Variants in LRRN3 observed in about 807,000 individuals in gnomAD.
The protein encoded by LRRN3 is leucine rich repeat neuronal 3.
A neutral mutation model predicts 40.1 loss-of-function variants in LRRN3; 15 were observed. That is an observed-to-expected ratio of 0.37 (90% CI 0.25 to 0.58). The LOEUF is 0.58. Among genes scored for constraint, LRRN3 ranks in the 20% least tolerant of loss-of-function variants. The pLI is 0.72. For synonymous variants in LRRN3, 308 were observed against 297.2 expected (o/e 1.04, Z -0.37); for missense variants, 746 against 837.7 (o/e 0.89, Z 1.35).
chr7:111,112,476 C>G (rs1007978143), intron 2 of LRRN3, among the ~76,000 whole-genome samples: 5 of 151,836 alleles, frequency 3.3e-5, no homozygotes, highest in South Asian at 2.1e-4. Context: ...TTTCCACTCA[C>G]AAAAAGATGC....
chr7:111,094,212 G>T (rs532291338), intron 1 of LRRN3, among the ~76,000 whole-genome samples: 1 of 152,066 alleles, frequency 6.6e-6, no homozygotes, highest in South Asian at 2.1e-4. Flanking sequence ...AATCTAAGTT[G>T]ATCAGAAAGC....
intron 1 of LRRN3, among the ~76,000 whole-genome samples, chr7:111,091,873 A>G (rs1796905824): frequency 6.6e-6 from 1 of 151,992 alleles, no homozygotes; most frequent in Admixed American, 6.6e-5. Flanking sequence ...GAGAGAAGAC[A>G]GAGAGGAGAC....
At chr7:111,121,457 C>A (rs1399660209) in intron 2 of LRRN3, among the ~76,000 whole-genome samples, 1 of 152,138 alleles carries the variant, frequency 6.6e-6, no homozygotes, top group Non-Finnish European at 1.5e-5. Flanking sequence ...GACATTTATG[C>A]AGCCAAAAGA....
At chr7:111,107,482 T>C (rs1563249829) in intron 2 of LRRN3, among the ~76,000 whole-genome samples, 1 of 152,134 alleles carries the variant, frequency 6.6e-6, no homozygotes, top group Admixed American at 6.6e-5. Flanking sequence ...ATTAAAGCCA[T>C]TTCTGTTCAT....
Position 111,111,618 on chromosome 7 carries a change from T to G in LRRN3, c.-358-10797T>G, listed in dbSNP as rs76673646. Among the ~76,000 whole-genome samples the G allele has an allele frequency of 3.4e-3, 510 of 152,082 alleles. 4 individuals are homozygous for G. The Middle Eastern group carries it at 0.044, about 13-fold the overall frequency. ...AAACACATTAAAGTAGAATTCACCATAAAGCTCTTACGAACAGAAATAATG... is the reference window on the plus strand; with the variant it reads ...AAACACATTAAAGTAGAATTCACCAGAAAGCTCTTACGAACAGAAATAATG... On this transcript the variant is annotated intron_variant, in intron 2 of 2. Coordinates refer to ENST00000308478, the MANE Select transcript of LRRN3 (RefSeq NM_001099658.2).
At chr7:111,116,486 A>C (rs1400922409) in intron 2 of LRRN3, among the ~76,000 whole-genome samples, 1 of 152,154 alleles carries the variant, frequency 6.6e-6, no homozygotes, top group Non-Finnish European at 1.5e-5. Flanking sequence ...TTACTATATA[A>C]ATTTTGAACA....
intron 2 of LRRN3, among the ~76,000 whole-genome samples, chr7:111,111,121 T>C (rs1261214468): frequency 6.6e-6 from 1 of 152,090 alleles, no homozygotes; most frequent in East Asian, 1.9e-4. Context: ...CTAATCCACA[T>C]ATGAGATGAA....
At chr7:111,112,131 A>G (rs1799309831) in intron 2 of LRRN3, among the ~76,000 whole-genome samples, 1 of 151,482 alleles carries the variant, frequency 6.6e-6, no homozygotes, top group South Asian at 2.1e-4. Context: ...TATTTTTAGT[A>G]GAGACGGAGT....
At chr7:111,117,387 C>T (rs1800018397) in intron 2 of LRRN3, among the ~76,000 whole-genome samples, 1 of 151,982 alleles carries the variant, frequency 6.6e-6, no homozygotes. Context: ...ATCCTGTCCC[C>T]AGTTACAAAA....
chr7:111,105,980 A>T (rs141460862), intron 2 of LRRN3, among the ~76,000 whole-genome samples: 279 of 152,046 alleles, frequency 1.8e-3, no homozygotes, highest in African/African-American at 5.5e-3. Flanking sequence ...GGGCAAGCTT[A>T]TTTTTCTGAA....
chr7:111,092,279 G>A (rs1395988090), intron 1 of LRRN3, among the ~76,000 whole-genome samples: 2 of 152,198 alleles, frequency 1.3e-5, no homozygotes, highest in Admixed American at 1.3e-4. Flanking sequence ...CTAATCTTTG[G>A]TAATTAACAG....
At position 111,124,376 on chromosome 7, in the gene LRRN3, A is replaced by C. The variant is rs1029179258; in HGVS notation, c.1604A>C (p.Asn535Thr). 5 of 1,613,670 alleles carry C rather than the reference A, an allele frequency of 3.1e-6. No homozygotes were observed. Among genetic ancestry groups the C allele is most frequent in the Non-Finnish European group, 3.4e-6 (4 of 1,179,982 alleles). ...ATTAAAATAAGAGATATTCAGGCCA[A>C]TTCAGTTTTGGTGTCCTGGAAAGCA... is the stretch of plus-strand genomic sequence containing the variant. ...LNIKIRDIQA[N>T]SVLVSWKASS... is the part of the protein sequence containing the mutation. The change falls in exon 3 of 3, where the codon AAT (asparagine) becomes ACT (threonine). Residue 535 changes from asparagine (N) to threonine (T), a missense_variant. Asn to Thr is a moderately conservative substitution (Grantham distance 65). Transcript: ENST00000308478.
intron 1 of LRRN3, among the ~76,000 whole-genome samples, chr7:111,096,084 T>A (rs1006715548): frequency 7.9e-5 from 12 of 152,048 alleles, no homozygotes; most frequent in Non-Finnish European, 1.6e-4. Context: ...GTAAGAAGGA[T>A]ACAAAATATA....
Position 111,124,414 on chromosome 7 carries a change from C to T in LRRN3, c.1642C>T (p.Leu548Phe). ...LVSWKASSKI[L>F]KSSVKWTAFV... The stretch of plus-strand genomic sequence containing the variant: ...GTCCTGGAAAGCAAGTTCTAAAATT[C>T]TCAAATCTAGTGTTAAATGGACAGC... The change falls in exon 3 of 3, where the codon CTC (leucine) becomes TTC (phenylalanine). Residue 548 changes from leucine (L) to phenylalanine (F), a missense_variant. Physicochemically the swap from Leu to Phe is conservative, Grantham distance 22. Coordinates refer to ENST00000308478, the MANE Select transcript of LRRN3 (RefSeq NM_001099658.2). The T allele has an allele frequency of 6.2e-7, 1 of 1,613,772 alleles. No homozygotes were observed. The highest frequency in any genetic ancestry group is 8.5e-7 in the Non-Finnish European group (1 of 1,179,932).
intron 2 of LRRN3, among the ~76,000 whole-genome samples, chr7:111,106,678 C>T (rs775922219): frequency 6.9e-6 from 1 of 145,246 alleles, no homozygotes; most frequent in Non-Finnish European, 1.5e-5. Flanking sequence ...ATTAAAGTCT[C>T]GGTGTGTGAA....
intron 2 of LRRN3, among the ~76,000 whole-genome samples, chr7:111,101,575 G>C (rs532472222): frequency 6.6e-6 from 1 of 151,170 alleles, no homozygotes; most frequent in Non-Finnish European, 1.5e-5. Context: ...ACAATCGTTC[G>C]AATTAATACA....
chr7:111,100,473 T>C (rs1018931), intron 2 of LRRN3, among the ~76,000 whole-genome samples: 4,654 of 148,420 alleles, frequency 0.031, 235 homozygotes, highest in African/African-American at 0.11. Context: ...CATATACAGA[T>C]TTAAAATAAA....
chr7:111,125,053 C>T lies in LRRN3; in HGVS notation c.*154C>T, dbSNP rs576805209. 1.7e-6 allele frequency: 1 copy of T among 584,334 alleles called. No homozygotes were observed. Among genetic ancestry groups the T allele is most frequent in the South Asian group, 2.7e-5 (1 of 37,166 alleles). 36.2% of individuals were successfully genotyped at this position (584,334 alleles called of 1,614,324 possible). A position where few individuals can be genotyped will look rare whatever the true frequency, so the allele number is the denominator to read the frequency against. ...AGTTTAAGCTTCACCAATGCTGCTC[C>T]TGACCAATGGAAATATGTACAACTT... On this transcript the variant is annotated 3_prime_UTR_variant, in exon 3 of 3. Transcript: ENST00000308478.
At chr7:111,108,854 A>T (rs1798848361) in intron 2 of LRRN3, among the ~76,000 whole-genome samples, 2 of 152,194 alleles carry the variant, frequency 1.3e-5, no homozygotes, top group South Asian at 4.1e-4. Flanking sequence ...ATGGAAATTT[A>T]TAATTAAAAG....
Sources: allele counts gnomAD v4.1 joint callset (sites outside exome capture counted in the v4.1 genomes callset), GRCh38; gene constraint gnomAD v4.1.1; transcripts MANE v1.5; gene names NCBI Gene and HGNC (gene_info 2026-07-23, HGNC 2026-07-21).